Variants in NLRP1 observed in about 807,000 individuals in gnomAD.
NLRP1 encodes NACHT, LRR and PYD domains-containing protein 1.
A neutral mutation model predicts 136.7 loss-of-function variants in NLRP1; 94 were observed. The ratio of observed to expected loss-of-function variants is 0.69; its 90% CI spans 0.58 to 0.82. The LOEUF is 0.82. Among genes scored for constraint, NLRP1 ranks in the 40% least tolerant of loss-of-function variants. The pLI is 0.00. For synonymous variants in NLRP1, 690 were observed against 725.1 expected, an observed-to-expected ratio of 0.95 and a Z score of 0.78; for missense variants, 1,575 against 1,802.7, an observed-to-expected ratio of 0.87 and a Z score of 2.29.
Position 5,530,523 on chromosome 17 carries a change from C to T in NLRP1, c.3478G>A (p.Ala1160Thr). Residue 1160 changes from alanine (A) to threonine (T), a missense_variant, in exon 12 of 17, where the codon GCT (alanine) becomes ACT (threonine). Transcript: ENST00000572272. ...TGAGGGAGGTGCACAGCTTCCACAG[C>T]TCCAGGCTCAGCCTTGATGTCCAGC... is the stretch of plus-strand genomic sequence containing the variant. Reference protein sequence around the residue: ...PLLDIKAEPGAVEAVHLPHFV... With the variant: ...PLLDIKAEPGTVEAVHLPHFV... 1 of 1,614,222 alleles carries T rather than the reference C, an allele frequency of 6.2e-7. No individual in the cohort carries two copies. Among genetic ancestry groups the T allele is most frequent in the Non-Finnish European group, 8.5e-7 (1 of 1,180,044 alleles).
intron 5 of NLRP1, among the ~76,000 whole-genome samples, chr17:5,545,311 CT>C (rs200236033): frequency 0.021 from 3,083 of 149,336 alleles, 60 homozygotes; most frequent in Middle Eastern, 0.048. Flanking sequence ...CCAATTCCCC[CT>C]GTCTCTCTTA....
In NLRP1 at chr17:5,558,499, G is replaced by A. The variant is rs199674811; in HGVS notation, c.2197C>T (p.Gln733Ter). 6.2e-7 allele frequency: 1 copy of A among 1,614,042 alleles called. No homozygotes were observed. The highest frequency in any genetic ancestry group is 1.1e-5 in the South Asian group (1 of 91,080). The change falls in exon 4 of 17, where the codon CAA becomes TAA. Residue 733 changes from glutamine (Q) to a stop codon, truncating the protein, a stop_gained. Transcript: ENST00000572272. LOFTEE classifies it high-confidence loss of function. ...YETRNKTFLTQVMAHFEEMGM... is the reference protein window; with the variant it reads ...YETRNKTFLT ...ATTTCTTCGAAATGGGCCATCACTT[G>A]TGTCAGGAACGTTTTGTTCCGAGTC...
At chr17:5,519,439 C>T (rs954657188) in intron 14 of NLRP1, among the ~76,000 whole-genome samples, 4 of 150,868 alleles carry the variant, frequency 2.7e-5, no homozygotes, top group South Asian at 4.2e-4. Flanking sequence ...AGCCACCACA[C>T]CTGGCCTTTT....
intron 3 of NLRP1, among the ~76,000 whole-genome samples, chr17:5,571,426 C>A (rs1234954612): frequency 6.6e-6 from 1 of 152,148 alleles, no homozygotes; most frequent in Admixed American, 6.5e-5. Context: ...GATACAAAAT[C>A]AATTTCTTCT....
At chr17:5,515,691 G>A (rs1227173835) in intron 15 of NLRP1, among the ~76,000 whole-genome samples, 174 bp from the exon 16 acceptor site, 1 of 152,196 alleles carries the variant, frequency 6.6e-6, no homozygotes, top group Non-Finnish European at 1.5e-5. Flanking sequence ...GGTTATTTAG[G>A]TGAATCCCTT....
At chr17:5,553,701 CCCTG>C (rs946467187) in intron 4 of NLRP1, 145 bp from the exon 5 acceptor site, 5 of 576,488 alleles carry the variant, frequency 8.7e-6, no homozygotes, top group African/African-American at 2.3e-5. Context: ...GACCAGCCCT[CCCTG>C]CCTGTCTGCC....
Position 5,541,802 on chromosome 17 carries a change from C to T in NLRP1, c.2699+55G>A. The T allele has an allele frequency of 1.3e-6, 2 of 1,574,610 alleles. No individual in the cohort carries two copies. The highest frequency in any genetic ancestry group is 1.7e-6 in the Non-Finnish European group (2 of 1,148,272). On this transcript the variant is annotated intron_variant, in intron 6 of 16. Transcript: ENST00000572272. This position sits in a 1 kb window ranked among gnomAD's most constrained non-coding sequence, Gnocchi z 4.2. ...TCTCTCTGCTCTTACCCTCTGCCTG[C>T]CTCATGGTGGCAGGCAGTTCCCTCC...
chr17:5,517,362 C>CCCG (rs78433357), intron 15 of NLRP1, among the ~76,000 whole-genome samples: 876 of 61,228 alleles, frequency 0.014, 43 homozygotes, highest in South Asian at 0.049. Flanking sequence ...CCCCCCCCCT[C>CCCG]CCACATACAC....
chr17:5,583,899 T>A lies in NLRP1; in HGVS notation c.59A>T (p.Glu20Val). 3.1e-6 allele frequency: 5 copies of A among 1,605,496 alleles called. No individual in the cohort carries two copies. The highest frequency in any genetic ancestry group is 4.3e-6 in the Non-Finnish European group (5 of 1,175,408). ...ACYLEFLKKE[E>V]LKEFQLLLAN... ...GAGCAGAAGCTGGAACTCCTTCAGC[T>A]CCTCCTTCTTCAGGAACTCCAAGTA... Residue 20 changes from glutamate (E) to valine (V), a missense_variant, in exon 1 of 17, where the codon GAG (glutamate) becomes GTG (valine). Physicochemically the swap from Glu to Val is moderately radical, Grantham distance 121. Coordinates refer to ENST00000572272, the MANE Select transcript of NLRP1 (RefSeq NM_033004.4). This position sits in a 1 kb window ranked among gnomAD's most constrained non-coding sequence, Gnocchi z 4.5.
At chr17:5,542,757 C>T (rs1402640034) in intron 5 of NLRP1, among the ~76,000 whole-genome samples, 1 of 115,078 alleles carries the variant, frequency 8.7e-6, no homozygotes, top group Non-Finnish European at 1.7e-5. Context: ...TCCTTCCTTT[C>T]CTCTTTCTCC....
intron 3 of NLRP1, among the ~76,000 whole-genome samples, chr17:5,579,140 T>G (rs773543606): frequency 2.0e-5 from 3 of 151,954 alleles, no homozygotes; most frequent in Non-Finnish European, 4.4e-5. Context: ...AGGGATAGCA[T>G]TAGGAGATAT....
At chr17:5,533,580 T>C (rs1176190073) in intron 9 of NLRP1, among the ~76,000 whole-genome samples, 196 bp from the exon 10 acceptor site, 1 of 134,358 alleles carries the variant, frequency 7.4e-6, no homozygotes. Flanking sequence ...TTTTTTTAGA[T>C]GGCAGGGCAA....
chr17:5,576,064 T>G (rs909859278), intron 3 of NLRP1, among the ~76,000 whole-genome samples: 3 of 152,210 alleles, frequency 2.0e-5, no homozygotes, highest in African/African-American at 4.8e-5. Flanking sequence ...ATAAAGATGT[T>G]CTTTGAAACC....
At position 5,583,180 on chromosome 17, in the gene NLRP1, C is replaced by T. The variant is rs984839688; in HGVS notation, c.272-334G>A. Among the ~76,000 whole-genome samples, 1 of 146,596 alleles carries T rather than the reference C, an allele frequency of 6.8e-6. No homozygotes were observed. The highest frequency in any genetic ancestry group is 1.5e-5 in the Non-Finnish European group (1 of 67,912). On this transcript the variant is annotated intron_variant, in intron 1 of 16. Transcript: ENST00000572272. The surrounding 1 kb of genome is among the most constrained non-coding windows in gnomAD (Gnocchi z 4.5). ...CCAGGGTGGCTAATAGTAATAATAACAGCAGCAGCAGCAGCAGCAACAACA... is the reference window on the plus strand; with the variant it reads ...CCAGGGTGGCTAATAGTAATAATAATAGCAGCAGCAGCAGCAGCAACAACA...
intron 13 of NLRP1, 94 bp downstream of exon 13, chr17:5,521,430 G>T: frequency 1.5e-6 from 2 of 1,321,152 alleles, no homozygotes; most frequent in Non-Finnish European, 1.1e-6. Context: ...CCCATCCTTG[G>T]TCCCAGTTGA....
chr17:5,528,100 T>C (rs1909785932), intron 12 of NLRP1, among the ~76,000 whole-genome samples: 2 of 152,184 alleles, frequency 1.3e-5, no homozygotes, highest in Non-Finnish European at 2.9e-5. Context: ...GCATCCCAGG[T>C]TGGGGCAAGC....
chr17:5,576,923 G>A (rs1272061137), intron 3 of NLRP1, among the ~76,000 whole-genome samples: 2 of 152,108 alleles, frequency 1.3e-5, no homozygotes, highest in African/African-American at 4.8e-5. Context: ...ATGATCAAGT[G>A]GGCTTCATCC....
chr17:5,562,168 G>A lies in NLRP1; in HGVS notation c.653-2125C>T, dbSNP rs1358730605. ...CTAGAGCTTCCAGCCCAGCAGTCCC[G>A]CTACTCTGTGGGTGGGTGCCATCCC... On this transcript the variant is annotated intron_variant, in intron 3 of 16. Transcript: ENST00000572272. Among the ~76,000 whole-genome samples, 7 of 152,230 alleles carry A rather than the reference G, an allele frequency of 4.6e-5. No homozygotes were observed. In the South Asian group the frequency reaches 6.2e-4, roughly 13 times the overall value.
In NLRP1 at chr17:5,545,547, GACAC is replaced by G. The variant is rs1215729995; in HGVS notation, c.2529-3524_2529-3521del. ...AGACACAGACACAGACACACACACA[GACAC>G]ACACAGACACACACACACGACTCAG... On this transcript the variant is annotated intron_variant, in intron 5 of 16. Coordinates refer to ENST00000572272, the MANE Select transcript of NLRP1 (RefSeq NM_033004.4). Among the ~76,000 whole-genome samples, 6 of 147,768 alleles carry G rather than the reference GACAC, an allele frequency of 4.1e-5. No homozygotes were observed. In the South Asian group the frequency reaches 9.1e-4, roughly 22 times the overall value.
Sources: allele counts gnomAD v4.1 joint callset (sites outside exome capture counted in the v4.1 genomes callset), GRCh38; gene constraint gnomAD v4.1.1; non-coding constraint Gnocchi (gnomAD v3.1); transcripts MANE v1.5; gene names NCBI Gene and HGNC (gene_info 2026-07-23, HGNC 2026-07-21).